TIGIT: variants seen among roughly 807,000 people sequenced by gnomAD.
TIGIT encodes the protein T-cell immunoreceptor with Ig and ITIM domains.
Under a neutral mutation model 19.6 loss-of-function variants are expected in TIGIT, and 11 were observed. That is an observed-to-expected ratio of 0.56 (90% CI 0.35 to 0.93). The LOEUF is 0.93. Ranked by LOEUF, TIGIT falls within the 40% of genes least tolerant of loss-of-function variation. The probability of loss-of-function intolerance (pLI) is 0.01; values close to 1 mark genes in which losing one functional copy is unlikely to be tolerated. For synonymous variants in TIGIT, 130 were observed against 125.5 expected (o/e 1.04, Z -0.24); for missense variants, 295 against 303.9 (o/e 0.97, Z 0.22).
rs747740694 is a variant in TIGIT, at chr3:114,305,864, G to GGATAGATAGATAGATAGATA, written c.499-2007_499-1988dup. On this transcript the variant is annotated intron_variant, in intron 3 of 3. Transcript: ENST00000383671. ...TGGATGGGTGGGTGGATGGATGGAT[G>GGATAGATAGATAGATAGATA]GATAGATAGATAGATAGATAGATAG... 6.9e-5 allele frequency among the ~76,000 whole-genome samples: 10 copies of GGATAGATAGATAGATAGATA among 145,046 alleles called. No individual in the cohort carries two copies. The East Asian group carries it at 8.3e-4, about 12-fold the overall frequency.
Position 114,295,709 on chromosome 3 carries a change from C to T in TIGIT, c.226C>T (p.His76Tyr), listed in dbSNP as rs750059977. ...LAICNADLGW[H>Y]ISPSFKDRVA... ...CATTTGTAATGCTGACTTGGGGTGGCACATCTCCCCATCCTTCAAGGATCG... is the reference window on the plus strand; with the variant it reads ...CATTTGTAATGCTGACTTGGGGTGGTACATCTCCCCATCCTTCAAGGATCG... The change falls in exon 2 of 4, where the codon CAC becomes TAC. Residue 76 changes from histidine (H) to tyrosine (Y), a missense_variant. Physicochemically the swap from His to Tyr is moderately conservative, Grantham distance 83. Coordinates refer to ENST00000383671, the MANE Select transcript of TIGIT (RefSeq NM_173799.4). 6.2e-7 allele frequency: 1 copy of T among 1,614,252 alleles called. No homozygotes were observed. Among genetic ancestry groups the T allele is most frequent in the Non-Finnish European group, 8.5e-7 (1 of 1,180,044 alleles).
intron 2 of TIGIT, among the ~76,000 whole-genome samples, chr3:114,298,375 A>G (rs76766168): frequency 0.012 from 1,769 of 152,312 alleles, 13 homozygotes; most frequent in Non-Finnish European, 0.019. Flanking sequence ...ACTCATTATC[A>G]TAATCTTCCC....
At chr3:114,303,636 C>CATATATATGTAT (rs1404552720) in intron 3 of TIGIT, among the ~76,000 whole-genome samples, 1 of 132,202 alleles carries the variant, frequency 7.6e-6, no homozygotes, top group African/African-American at 2.9e-5. Flanking sequence ...TATATACACA[C>CATATATATGTAT]ACACACACAC....
At chr3:114,299,510 C>G in intron 2 of TIGIT, 87 bp from the exon 3 acceptor site, 1 of 1,020,194 alleles carries the variant, frequency 9.8e-7, no homozygotes, top group South Asian at 1.3e-5. Context: ...CAATCCTCCC[C>G]TCTCTGCCGT....
In TIGIT at chr3:114,299,645, C is replaced by G. The variant is rs759155389; in HGVS notation, c.440C>G (p.Ala147Gly). 1 of 1,613,402 alleles carries G rather than the reference C, an allele frequency of 6.2e-7. No homozygotes were observed. Among genetic ancestry groups the G allele is most frequent in the South Asian group, 1.1e-5 (1 of 91,082 alleles). ...RFQIPLLGAM[A>G]ATLVVICTAV... ...CAGATTCCATTGCTTGGAGCCATGGCCGCGACGCTGGTGGTCATCTGCACA... is the reference window on the plus strand; with the variant it reads ...CAGATTCCATTGCTTGGAGCCATGGGCGCGACGCTGGTGGTCATCTGCACA... The change falls in exon 3 of 4, where the codon GCC becomes GGC. Residue 147 changes from alanine to glycine, a missense_variant. Ala to Gly is a moderately conservative substitution (Grantham distance 60). Transcript: ENST00000383671.
chr3:114,304,407 T>C (rs188783711), intron 3 of TIGIT, among the ~76,000 whole-genome samples: 6 of 152,358 alleles, frequency 3.9e-5, no homozygotes, highest in African/African-American at 1.2e-4. Context: ...GTTCCCCTTT[T>C]CCATAGTTTG....
intron 1 of TIGIT, among the ~76,000 whole-genome samples, chr3:114,295,248 GGGA>G (rs1424390695): frequency 1.3e-5 from 2 of 152,128 alleles, no homozygotes; most frequent in Non-Finnish European, 2.9e-5. Context: ...GCAGTGGGTG[GGGA>G]GGAGATGGGC....
rs2078550069 is a variant in TIGIT, at chr3:114,308,403, T to G, written c.*272T>G. On this transcript the variant is annotated 3_prime_UTR_variant, in exon 4 of 4. Transcript: ENST00000383671. ...AAAAATATCTTGACCTGGTTTTAAA[T>G]CTGGCAGTTTGAGCAGATCCTATGT... 3.0e-6 allele frequency: 1 copy of G among 331,222 alleles called. No individual in the cohort carries two copies. The highest frequency in any genetic ancestry group is 5.6e-6 in the Non-Finnish European group (1 of 177,798). 20.5% of individuals were successfully genotyped at this position (331,222 alleles called of 1,614,324 possible). A position where few individuals can be genotyped will look rare whatever the true frequency, so the allele number is the denominator to read the frequency against.
At chr3:114,294,897 G>A (rs1467451804) in intron 1 of TIGIT, 1 of 152,714 alleles carries the variant, frequency 6.5e-6, no homozygotes, top group Non-Finnish European at 1.5e-5. Flanking sequence ...TAGGCCGCAG[G>A]AAGAAACATA....
rs199946900 is a variant in TIGIT at position 114,308,011 on chromosome 3, T to C, written c.615T>C (p.Ala205=). 58 of 1,614,166 alleles carry C rather than the reference T, an allele frequency of 3.6e-5. No homozygotes were observed. Among genetic ancestry groups the C allele is most frequent in the Non-Finnish European group, 4.3e-5 (51 of 1,180,018 alleles). Residue 205 remains alanine, a synonymous_variant, in exon 4 of 4, where the codon GCT becomes GCC. Coordinates refer to ENST00000383671, the MANE Select transcript of TIGIT (RefSeq NM_173799.4). ...SPPGSCVQAE[A]APAGLCGEQR... The stretch of plus-strand genomic sequence containing the variant: ...CAGGAAGCTGTGTCCAGGCAGAAGC[T>C]GCACCTGCTGGGCTCTGTGGAGAGC...
chr3:114,295,549 G>A lies in TIGIT; in HGVS notation c.66G>A (p.Met22Ile). 2 of 1,612,246 alleles carry A rather than the reference G, an allele frequency of 1.2e-6. No homozygotes were observed. The highest frequency in any genetic ancestry group is 2.2e-5 in the South Asian group (2 of 90,782). The change falls in exon 2 of 4, where the codon ATG (methionine) becomes ATA (isoleucine). Residue 22 changes from methionine to isoleucine, a missense_variant. Transcript: ENST00000383671. ...GTGCTTCGTCCTCTTCCCTAGGAAT[G>A]ATGACAGGCACAATAGAAACAACGG... The part of the protein sequence containing the change: ...GLRQAPLASG[M>I]MTGTIETTGN...
At chr3:114,300,658 C>A (rs1391700132) in intron 3 of TIGIT, among the ~76,000 whole-genome samples, 1 of 152,140 alleles carries the variant, frequency 6.6e-6, no homozygotes, top group Non-Finnish European at 1.5e-5. Flanking sequence ...TTATTTGGCT[C>A]ATGGTTCTGG....
chr3:114,301,190 T>C (rs1230194864), intron 3 of TIGIT, among the ~76,000 whole-genome samples: 1 of 152,148 alleles, frequency 6.6e-6, no homozygotes, highest in Admixed American at 6.5e-5. Context: ...AGTCACCACA[T>C]AAATATTTTG....
At chr3:114,305,868 A>AGATAGAT (rs1560034682) in intron 3 of TIGIT, among the ~76,000 whole-genome samples, 1 of 109,926 alleles carries the variant, frequency 9.1e-6, no homozygotes, top group Non-Finnish European at 2.2e-5. Context: ...ATGGATGGAT[A>AGATAGAT]GATAGATAGA....
intron 2 of TIGIT, 81 bp from the exon 3 acceptor site, chr3:114,299,516 G>A: frequency 9.3e-7 from 1 of 1,078,824 alleles, no homozygotes; most frequent in Non-Finnish European, 1.4e-6. Flanking sequence ...TCCCCTCTCT[G>A]CCGTGAAGCT....
chr3:114,306,942 G>A (rs1165304953), intron 3 of TIGIT, among the ~76,000 whole-genome samples: 2 of 152,152 alleles, frequency 1.3e-5, no homozygotes, highest in African/African-American at 4.8e-5. Flanking sequence ...CACTCTGCTG[G>A]CGACCATGTG....
Position 114,304,016 on chromosome 3 carries a change from A to G in TIGIT, c.499-3879A>G, listed in dbSNP as rs1190985158. Among the ~76,000 whole-genome samples, 4 of 152,004 alleles carry G rather than the reference A, an allele frequency of 2.6e-5. No homozygotes were observed. In the East Asian group the frequency reaches 7.7e-4, roughly 29 times the overall value. On this transcript the variant is annotated intron_variant, in intron 3 of 3. Coordinates refer to ENST00000383671, the MANE Select transcript of TIGIT (RefSeq NM_173799.4). ...GTTTCCCTGATAATTAGTGATGTTG[A>G]GCATTTTTTCATATGTTTGTTGGCC...
intron 3 of TIGIT, among the ~76,000 whole-genome samples, chr3:114,306,841 A>C (rs559455368): frequency 3.9e-5 from 6 of 152,330 alleles, no homozygotes; most frequent in African/African-American, 1.4e-4. Context: ...CCAGCTGTGC[A>C]TCTCAGGTTA....
chr3:114,306,471 G>C lies in TIGIT; in HGVS notation c.499-1424G>C, dbSNP rs111539786. Among the ~76,000 whole-genome samples the C allele has an allele frequency of 6.3e-3, 923 of 145,528 alleles. 17 individuals carry two copies. The highest frequency in any genetic ancestry group is 0.022 in the African/African-American group (896 of 41,102). On this transcript the variant is annotated intron_variant, in intron 3 of 3. Coordinates refer to ENST00000383671, the MANE Select transcript of TIGIT (RefSeq NM_173799.4). Reference sequence around the variant, plus strand: ...GAGAGCCCATAGACTGTGTTATTTAGGAGCATGTTCTTTGGAATCAGACAG... The same window carrying C: ...GAGAGCCCATAGACTGTGTTATTTACGAGCATGTTCTTTGGAATCAGACAG...
Sources: allele counts gnomAD v4.1 joint callset (sites outside exome capture counted in the v4.1 genomes callset), GRCh38; gene constraint gnomAD v4.1.1; transcripts MANE v1.5; gene names NCBI Gene and HGNC (gene_info 2026-07-23, HGNC 2026-07-21).